The following TBXAS1 variants were observed in gnomAD, a reference collection of about 807,000 sequenced individuals.
TBXAS1 encodes the protein thromboxane A synthase 1.
A neutral mutation model predicts 60.7 loss-of-function variants in TBXAS1; 48 were observed. That is an observed-to-expected ratio of 0.79 (90% confidence interval 0.63 to 1.01). The LOEUF (loss-of-function observed/expected upper bound fraction) is 1.01, where lower values mean the gene tolerates loss of function less well. Ranked by LOEUF, TBXAS1 falls within the 50% of genes least tolerant of loss-of-function variation. The pLI, the probability that TBXAS1 is intolerant of heterozygous loss-of-function variation, is 0.00. For synonymous variants in TBXAS1, 287 were observed against 269.7 expected, an observed-to-expected ratio of 1.06 and a Z score of -0.63; for missense variants, 685 against 686.3, an observed-to-expected ratio of 1.00 and a Z score of 0.02.
chr7:139,910,594 A>G (rs184503615), intron 3 of TBXAS1, among the ~76,000 whole-genome samples: 14 of 152,306 alleles, frequency 9.2e-5, no homozygotes, highest in Admixed American at 5.9e-4. Flanking sequence ...CTGAGATAGC[A>G]CCACTGCAGT....
chr7:139,952,757 T>C (rs748293464), intron 5 of TBXAS1: 163 of 1,439,018 alleles, frequency 1.1e-4, no homozygotes, highest in Non-Finnish European at 1.4e-4. Flanking sequence ...AATTGCCCCA[T>C]GTGGGCATAG....
At chr7:139,949,411 T>G (rs4629769) in intron 5 of TBXAS1, among the ~76,000 whole-genome samples, 99,652 of 152,088 alleles carry the variant, frequency 0.66, 32,829 homozygotes, top group East Asian at 0.74. Context: ...GGGATTTTAT[T>G]AAACTAGGAT....
intron 4 of TBXAS1, among the ~76,000 whole-genome samples, chr7:139,911,902 G>A (rs982567071): frequency 1.6e-4 from 25 of 152,184 alleles, no homozygotes; most frequent in African/African-American, 5.8e-4. Context: ...TATCTTTGAT[G>A]AGAAATCCCA....
intron 4 of TBXAS1, among the ~76,000 whole-genome samples, chr7:139,818,681 A>G (rs6464800): frequency 0.68 from 103,803 of 152,040 alleles, 37,320 homozygotes; most frequent in East Asian, 0.92. Context: ...CCCTTTGCAG[A>G]CAGAGTGAAT....
intron 3 of TBXAS1, among the ~76,000 whole-genome samples, chr7:139,904,975 TTCTTTCTCTTTC>T (rs1173186030): frequency 2.0e-5 from 3 of 149,556 alleles, no homozygotes; most frequent in African/African-American, 7.3e-5. Flanking sequence ...CTCCCTACCT[TTCTTTCTCTTTC>T]TCTCTTTCTC....
Position 139,991,849 on chromosome 7 carries a change from G to C in TBXAS1, c.1135-15242G>C, listed in dbSNP as rs113215736. ...CTGGACTGAAGCCCCGGAGAGCACG[G>C]GCAGCTCTCTAGCAGGTGGGGCAAG... On this transcript the variant is annotated intron_variant, in intron 9 of 12. Transcript: ENST00000448866. Among the ~76,000 whole-genome samples the C allele has an allele frequency of 9.0e-3, 1,367 of 152,314 alleles. 10 individuals are homozygous for C. Among genetic ancestry groups the C allele is most frequent in the South Asian group, 0.022 (108 of 4,828 alleles).
At chr7:139,955,655 G>C in intron 7 of TBXAS1, 48 bp downstream of exon 7, 2 of 1,611,106 alleles carry the variant, frequency 1.2e-6, no homozygotes, top group Non-Finnish European at 1.7e-6. Context: ...CAGCAAGTTG[G>C]GCAGACCCCA....
chr7:139,994,197 A>G (rs1001514427), intron 9 of TBXAS1, among the ~76,000 whole-genome samples: 5 of 152,240 alleles, frequency 3.3e-5, no homozygotes, highest in African/African-American at 1.2e-4. Context: ...ACCTGCCACC[A>G]CACTTGGCTA....
upstream of TBXAS1, among the ~76,000 whole-genome samples, chr7:139,825,684 G>A (rs1012034151): frequency 6.6e-6 from 1 of 152,318 alleles, no homozygotes; most frequent in African/African-American, 2.4e-5. Flanking sequence ...GGGCTTCGGA[G>A]ACCTAGATCC....
At position 139,796,449 on chromosome 7, in the gene TBXAS1, A is replaced by G. The variant is rs1585518600; in HGVS notation, c.-80+9023A>G. ...CTGGCATAGGCAAGACTATGGAGAC[A>G]TGAAGAAGACAGTGGTTTCCCAGGA... is the stretch of plus-strand genomic sequence containing the variant. On this transcript the variant is annotated intron_variant, in intron 4 of 16. Coordinates refer to the TBXAS1 transcript ENST00000336425. Among the ~76,000 whole-genome samples the G allele has an allele frequency of 2.0e-5, 3 of 152,270 alleles. No homozygotes were observed. In the East Asian group the frequency reaches 5.8e-4, roughly 29 times the overall value.
chr7:139,809,225 TAGATAGATGATA>T (rs1163909414), intron 4 of TBXAS1, among the ~76,000 whole-genome samples: 99 of 108,758 alleles, frequency 9.1e-4, no homozygotes, highest in African/African-American at 3.4e-3. Flanking sequence ...GATAGATAGA[TAGATAGATGATA>T]GATAGATAGA....
At chr7:139,968,810 G>A (rs1031654499) in intron 9 of TBXAS1, among the ~76,000 whole-genome samples, 9 of 152,166 alleles carry the variant, frequency 5.9e-5, no homozygotes, top group African/African-American at 1.9e-4. Context: ...GAGGTAGTAC[G>A]TTCAGTAAAT....
intron 9 of TBXAS1, among the ~76,000 whole-genome samples, chr7:139,987,786 T>C (rs914123774): frequency 6.6e-6 from 1 of 152,228 alleles, no homozygotes; most frequent in Non-Finnish European, 1.5e-5. Flanking sequence ...AAATCTGTAT[T>C]ATGGCTGCCC....
intron 4 of TBXAS1, among the ~76,000 whole-genome samples, chr7:139,809,435 A>C (rs1569493157): frequency 6.6e-6 from 1 of 152,278 alleles, no homozygotes; most frequent in South Asian, 2.1e-4. Flanking sequence ...ATAGAGAGTT[A>C]TAGATATATG....
chr7:139,917,647 A>G (rs1192551245), intron 4 of TBXAS1, among the ~76,000 whole-genome samples: 1 of 152,244 alleles, frequency 6.6e-6, no homozygotes, highest in African/African-American at 2.4e-5. Context: ...TAACATCTTT[A>G]AAAGTACTGA....
At chr7:139,815,268 A>C (rs968506296) in intron 4 of TBXAS1, among the ~76,000 whole-genome samples, 1 of 152,230 alleles carries the variant, frequency 6.6e-6, no homozygotes, top group African/African-American at 2.4e-5. Flanking sequence ...ACAGACAAAC[A>C]GGGTGCTCTG....
rs553154172 is a variant in TBXAS1, at chr7:139,792,043, C to T, written c.-80+4617C>T. On this transcript the variant is annotated intron_variant, in intron 4 of 16. Coordinates refer to the TBXAS1 transcript ENST00000336425. ...GGTATGCTATATCCCATAGAAAGCACACCTCAAGACTGATTCCATGTTTAG... is the reference window on the plus strand; with the variant it reads ...GGTATGCTATATCCCATAGAAAGCATACCTCAAGACTGATTCCATGTTTAG... 3.3e-5 allele frequency among the ~76,000 whole-genome samples: 5 copies of T among 152,234 alleles called. No homozygotes were observed. In the East Asian group the frequency reaches 9.7e-4, roughly 29 times the overall value.
At chr7:139,911,472 T>A in intron 4 of TBXAS1, 151 bp downstream of exon 4, 1 of 736,380 alleles carries the variant, frequency 1.4e-6, no homozygotes, top group East Asian at 2.6e-5. Flanking sequence ...ACTCGGTTTT[T>A]CAAAAGAGAT....
intron 12 of TBXAS1, 40 bp downstream of exon 12, chr7:140,017,873 G>T: frequency 6.2e-7 from 1 of 1,613,826 alleles, no homozygotes; most frequent in Non-Finnish European, 8.5e-7. Context: ...AGGGGCAGGG[G>T]TGGGAGGGCC....
Sources: allele counts gnomAD v4.1 joint callset (sites outside exome capture counted in the v4.1 genomes callset), GRCh38; gene constraint gnomAD v4.1.1; transcripts MANE v1.5; gene names NCBI Gene and HGNC (gene_info 2026-07-23, HGNC 2026-07-21).